AJAP1: variants seen among roughly 807,000 people sequenced by gnomAD.
AJAP1 encodes the protein adherens junctions associated protein 1, also known as adherens junction-associated protein 1.
AJAP1 carries 5 observed loss-of-function variants against 35.0 expected under a neutral mutation model. The observed-to-expected ratio is 0.14, with a 90% confidence interval of 0.07 to 0.30. The LOEUF is 0.30. Among genes scored for constraint, AJAP1 ranks in the 10% least tolerant of loss-of-function variants. The pLI is 1.00. For missense variants in AJAP1, 586 were observed against 571.0 expected, an observed-to-expected ratio of 1.03 and a Z score of -0.27; for synonymous variants, 284 against 249.3, an observed-to-expected ratio of 1.14 and a Z score of -1.31.
intron 1 of AJAP1, among the ~76,000 whole-genome samples, chr1:4,670,634 C>T (rs973167364): frequency 6.6e-6 from 1 of 152,210 alleles, no homozygotes; most frequent in Non-Finnish European, 1.5e-5. Context: ...TCCCTGCAAA[C>T]TGCCTGGTTT....
intron 2 of AJAP1, among the ~76,000 whole-genome samples, chr1:4,726,966 G>A (rs1200219436): frequency 1.3e-5 from 2 of 152,218 alleles, no homozygotes; most frequent in Non-Finnish European, 2.9e-5. Flanking sequence ...TCCTCACTGT[G>A]GCTTCTGGGG....
chr1:4,724,087 A>G (rs772394594), intron 2 of AJAP1, among the ~76,000 whole-genome samples: 1 of 152,164 alleles, frequency 6.6e-6, no homozygotes, highest in Non-Finnish European at 1.5e-5. Context: ...TCCCATGGGT[A>G]CTGCACCGAC....
intron 1 of AJAP1, among the ~76,000 whole-genome samples, chr1:4,698,479 G>A (rs1314411005): frequency 1.3e-5 from 2 of 152,206 alleles, no homozygotes; most frequent in African/African-American, 2.4e-5. Flanking sequence ...ATCACCTTAG[G>A]TGGGCTGTTG....
In AJAP1 at chr1:4,784,749, C is replaced by G. The variant is rs1642132886; in HGVS notation, c.*2264C>G. ...CCCCAAGCTTTGGCACATCCTGAGA[C>G]AATGCAAACATCCGCCACTGGCATT... is the stretch of plus-strand genomic sequence containing the variant. On this transcript the variant is annotated 3_prime_UTR_variant, in exon 6 of 6. Transcript: ENST00000378191. 1 of 152,256 alleles carries G rather than the reference C, an allele frequency of 6.6e-6. No homozygotes were observed. Among genetic ancestry groups the G allele is most frequent in the African/African-American group, 2.4e-5 (1 of 41,456 alleles). The allele number at this position is 152,256 out of a possible 1,614,324, so 9.4% of individuals were successfully genotyped here.
chr1:4,772,807 C>G (rs760872351), intron 4 of AJAP1, among the ~76,000 whole-genome samples: 5 of 152,220 alleles, frequency 3.3e-5, no homozygotes, highest in Non-Finnish European at 7.3e-5. Context: ...CCAGCCCTCG[C>G]TCTGAACCGT....
intron 2 of AJAP1, among the ~76,000 whole-genome samples, chr1:4,731,614 G>A (rs951832852): frequency 6.6e-6 from 1 of 152,152 alleles, no homozygotes; most frequent in Non-Finnish European, 1.5e-5. Flanking sequence ...AGAAGCAGGT[G>A]GTTTAGGGCC....
In AJAP1 at chr1:4,655,915, C is replaced by G. The variant is rs149110293; in HGVS notation, c.29+461C>G. 0.021 allele frequency among the ~76,000 whole-genome samples: 3,213 copies of G among 151,908 alleles called. 107 individuals carry two copies. Among genetic ancestry groups the G allele is most frequent in the South Asian group, 0.075 (358 of 4,798 alleles). ...TCGCAGGCGGAGTTGGAGGAAACCA[C>G]AGCCAAACAGCCACTCCGCTCCCCC... On this transcript the variant is annotated intron_variant, in intron 1 of 5. Transcript: ENST00000378191. The surrounding 1 kb of genome is among the most constrained non-coding windows in gnomAD (Gnocchi z 6.9).
chr1:4,711,986 C>A lies in AJAP1; in HGVS notation c.116C>A (p.Pro39His). The change falls in exon 2 of 6, where the codon CCC becomes CAC. Residue 39 changes from proline to histidine, a missense_variant. Transcript: ENST00000378191. ...IAMFQLAVDL[P>H]ACEALGPGPE... The stretch of plus-strand genomic sequence containing the variant: ...ATGTTTCAGCTCGCCGTGGACCTGC[C>A]CGCCTGTGAGGCCCTGGGCCCGGGG... 1 of 1,592,670 alleles carries A rather than the reference C, an allele frequency of 6.3e-7. No individual in the cohort carries two copies. The highest frequency in any genetic ancestry group is 2.4e-5 in the East Asian group (1 of 42,280).
chr1:4,762,055 C>T (rs1049822216), intron 2 of AJAP1, among the ~76,000 whole-genome samples: 31 of 152,206 alleles, frequency 2.0e-4, no homozygotes, highest in African/African-American at 7.2e-4. Context: ...AGCCCATACA[C>T]ATCTCCTGAA....
chr1:4,689,976 A>G (rs1420389253), intron 1 of AJAP1, among the ~76,000 whole-genome samples: 1 of 151,920 alleles, frequency 6.6e-6, no homozygotes, highest in Admixed American at 6.6e-5. Flanking sequence ...CAGCATCCAC[A>G]TTTCATCACT....
chr1:4,725,080 G>T (rs1640617520), intron 2 of AJAP1, among the ~76,000 whole-genome samples: 1 of 152,200 alleles, frequency 6.6e-6, no homozygotes, highest in South Asian at 2.1e-4. Flanking sequence ...CAGCCCTCAG[G>T]GTCCAGGGAG....
At chr1:4,747,115 G>C (rs1161326521) in intron 2 of AJAP1, among the ~76,000 whole-genome samples, 1 of 152,208 alleles carries the variant, frequency 6.6e-6, no homozygotes, top group Non-Finnish European at 1.5e-5. Context: ...GACAGATGTG[G>C]CATCAAAGGG....
In AJAP1 at chr1:4,772,542, C is replaced by T; in HGVS notation, c.1163+17C>T. On this transcript the variant is annotated intron_variant, in intron 4 of 5. Coordinates refer to ENST00000378191, the MANE Select transcript of AJAP1 (RefSeq NM_018836.4). The stretch of plus-strand genomic sequence containing the variant: ...TGGAAACCGGTAAGCTCGGGCTCTG[C>T]TAGACCCTGCAGCTGTGAAGCTCTT... 3.1e-6 allele frequency: 5 copies of T among 1,610,968 alleles called. No individual in the cohort carries two copies. The highest frequency in any genetic ancestry group is 4.2e-6 in the Non-Finnish European group (5 of 1,177,630).
intron 1 of AJAP1, among the ~76,000 whole-genome samples, chr1:4,662,227 T>G (rs542749158): frequency 2.5e-4 from 38 of 152,318 alleles, no homozygotes; most frequent in Non-Finnish European, 4.1e-4. Flanking sequence ...TAAGATCCCT[T>G]TTGCTGTTTG....
intron 2 of AJAP1, among the ~76,000 whole-genome samples, chr1:4,752,488 T>A (rs1389919908): frequency 6.6e-6 from 1 of 152,180 alleles, no homozygotes; most frequent in Non-Finnish European, 1.5e-5. Flanking sequence ...TCTTACGAGC[T>A]ATGGGGACCG....
intron 1 of AJAP1, among the ~76,000 whole-genome samples, chr1:4,675,201 A>G (rs13376666): frequency 0.33 from 50,575 of 152,154 alleles, 9,021 homozygotes; most frequent in East Asian, 0.56. Context: ...TGCAGTGTTT[A>G]GGGGTCCCCA....
At chr1:4,768,754 C>T (rs374839956) in intron 2 of AJAP1, among the ~76,000 whole-genome samples, 1 of 152,192 alleles carries the variant, frequency 6.6e-6, no homozygotes, top group South Asian at 2.1e-4. Flanking sequence ...CCCTCACTGC[C>T]TTGATCTTCC....
intron 5 of AJAP1, among the ~76,000 whole-genome samples, chr1:4,774,911 G>A (rs1176526230): frequency 6.6e-6 from 1 of 152,158 alleles, no homozygotes; most frequent in Non-Finnish European, 1.5e-5. Flanking sequence ...GACAATTACA[G>A]CTCTCATTTC....
intron 1 of AJAP1, among the ~76,000 whole-genome samples, chr1:4,691,379 T>C (rs980081385): frequency 3.3e-5 from 5 of 152,202 alleles, no homozygotes; most frequent in Non-Finnish European, 5.9e-5. Flanking sequence ...CCACAGAGTC[T>C]GTGGAGGCTG....
Sources: allele counts gnomAD v4.1 joint callset (sites outside exome capture counted in the v4.1 genomes callset), GRCh38; gene constraint gnomAD v4.1.1; non-coding constraint Gnocchi (gnomAD v3.1); transcripts MANE v1.5; gene names NCBI Gene and HGNC (gene_info 2026-07-23, HGNC 2026-07-21).